C8orf74: variants seen among roughly 807,000 people sequenced by gnomAD.
C8orf74 encodes chromosome 8 open reading frame 74.
Under a neutral mutation model 22.2 loss-of-function variants are expected in C8orf74, and 29 were observed. The observed-to-expected ratio is 1.31, with a 90% CI of 0.97 to 1.78. The LOEUF (loss-of-function observed/expected upper bound fraction) is 1.78. C8orf74 is among the 40% of genes most tolerant of loss of function. C8orf74 has a pLI of 0.00. For synonymous variants in C8orf74, 255 were observed against 163.1 expected (o/e 1.56, Z -4.30); for missense variants, 515 against 369.9 (o/e 1.39, Z -3.22).
chr8:10,673,182 C>G (rs374814186), intron 1 of C8orf74, among the ~76,000 whole-genome samples: 1 of 152,088 alleles, frequency 6.6e-6, no homozygotes, highest in South Asian at 2.1e-4. Context: ...CCCTTGGGGT[C>G]CTCCCAGCCA....
At chr8:10,674,587 T>A in intron 1 of C8orf74, 59 bp from the exon 2 acceptor site, 2 of 878,194 alleles carry the variant, frequency 2.3e-6, no homozygotes, top group Non-Finnish European at 1.4e-6. Context: ...CCGTAGCCCC[T>A]ATATCATGCC....
rs531879959 is a variant in C8orf74, at chr8:10,699,747, C to T, written c.649-488C>T. 1.4e-4 allele frequency among the ~76,000 whole-genome samples: 22 copies of T among 152,302 alleles called. No homozygotes were observed. In the East Asian group the frequency reaches 3.9e-3, roughly 27 times the overall value. Reference sequence around the variant, plus strand: ...CCCTCCCATGAAGCTACCACTAGAACTTTGAAAGGTGAGAATGAGGATGGT... The same window carrying T: ...CCCTCCCATGAAGCTACCACTAGAATTTTGAAAGGTGAGAATGAGGATGGT... On this transcript the variant is annotated intron_variant, in intron 3 of 3. Coordinates refer to ENST00000304519, the MANE Select transcript of C8orf74 (RefSeq NM_001040032.2).
intron 2 of C8orf74, among the ~76,000 whole-genome samples, chr8:10,687,615 C>CAAA (rs374455264): frequency 1.9e-3 from 103 of 52,846 alleles, no homozygotes; most frequent in Non-Finnish European, 2.5e-3. Context: ...GACTCCATCT[C>CAAA]AAAAAAAAAA....
At chr8:10,691,746 C>T (rs1433160774) in intron 2 of C8orf74, 1 of 152,318 alleles carries the variant, frequency 6.6e-6, no homozygotes, top group Non-Finnish European at 1.5e-5. Context: ...GGTTCTTAAC[C>T]CCAAGGAATT....
intron 2 of C8orf74, among the ~76,000 whole-genome samples, chr8:10,675,325 G>C (rs1200138890): frequency 1.3e-5 from 2 of 152,222 alleles, no homozygotes; most frequent in African/African-American, 4.8e-5. Flanking sequence ...CCCTGTGCAG[G>C]GCTTGCATGA....
At chr8:10,682,542 G>A (rs573343223) in intron 2 of C8orf74, among the ~76,000 whole-genome samples, 83 of 152,238 alleles carry the variant, frequency 5.5e-4, no homozygotes, top group Non-Finnish European at 8.8e-4. Context: ...GTTCCCTGGC[G>A]TCTCTGTGTG....
intron 2 of C8orf74, among the ~76,000 whole-genome samples, chr8:10,690,171 G>A (rs947395576): frequency 6.6e-6 from 1 of 152,118 alleles, no homozygotes; most frequent in African/African-American, 2.4e-5. Flanking sequence ...ACCACCTGAG[G>A]GGCCCTGAGC....
chr8:10,683,109 G>A (rs1211993880), intron 2 of C8orf74, among the ~76,000 whole-genome samples: 1 of 152,230 alleles, frequency 6.6e-6, no homozygotes, highest in Non-Finnish European at 1.5e-5. Context: ...GGCAGCCCAG[G>A]AGACCCCCAT....
chr8:10,697,884 C>G lies in C8orf74; in HGVS notation c.527C>G (p.Ala176Gly), dbSNP rs866584756. The G allele has an allele frequency of 1.2e-6, 2 of 1,611,902 alleles. No homozygotes were observed. ...QQVATLTEAE[A>G]QKRADVLLLK... ...GTGGCCACACTGACGGAGGCCGAGG[C>G]ACAGAAGCGCGCCGACGTGCTGCTC... Residue 176 changes from alanine (A) to glycine (G), a missense_variant, in exon 3 of 4, where the codon GCA (alanine) becomes GGA (glycine). Physicochemically the swap from Ala to Gly is moderately conservative, Grantham distance 60. Coordinates refer to ENST00000304519, the MANE Select transcript of C8orf74 (RefSeq NM_001040032.2).
At chr8:10,682,290 T>G (rs2129056922) in intron 2 of C8orf74, among the ~76,000 whole-genome samples, 1 of 152,320 alleles carries the variant, frequency 6.6e-6, no homozygotes, top group South Asian at 2.1e-4. Context: ...GAGCATTTCT[T>G]GGGACAAACG....
At chr8:10,692,551 T>C (rs1799402795) in intron 2 of C8orf74, 2 of 152,314 alleles carry the variant, frequency 1.3e-5, no homozygotes, top group Admixed American at 1.3e-4. Flanking sequence ...GCTCTCACCC[T>C]GTCATCCAGA....
intron 2 of C8orf74, among the ~76,000 whole-genome samples, chr8:10,683,996 C>T (rs904386220): frequency 2.6e-5 from 4 of 152,296 alleles, no homozygotes; most frequent in East Asian, 1.9e-4. Context: ...GCTAAGGAGC[C>T]GGCCCTCCCA....
intron 1 of C8orf74, among the ~76,000 whole-genome samples, chr8:10,674,265 C>A (rs1798979849): frequency 7.0e-6 from 1 of 142,828 alleles, no homozygotes; most frequent in South Asian, 2.4e-4. Context: ...TCATACCCTG[C>A]AGCCCCCATA....
chr8:10,697,537 C>A, intron 2 of C8orf74, 62 bp from the exon 3 acceptor site: 1 of 1,471,084 alleles, frequency 6.8e-7, no homozygotes, highest in Non-Finnish European at 9.4e-7. Context: ...GAGCCCACAT[C>A]CACTGCCTGG....
chr8:10,675,879 G>C (rs922981372), intron 2 of C8orf74: 1 of 152,232 alleles, frequency 6.6e-6, no homozygotes, highest in Non-Finnish European at 1.5e-5. Context: ...GCGAAGGGAT[G>C]TCTTCACACG....
intron 3 of C8orf74, among the ~76,000 whole-genome samples, chr8:10,699,084 G>A (rs1407847821): frequency 6.6e-6 from 1 of 152,184 alleles, no homozygotes; most frequent in Non-Finnish European, 1.5e-5. Flanking sequence ...CAAAACCCAC[G>A]CAACAGTCTA....
intron 2 of C8orf74, chr8:10,690,778 A>T (rs1249602889): frequency 2.3e-6 from 1 of 439,626 alleles, no homozygotes. Context: ...CTGATCGTGG[A>T]GCTTCCCGTG....
chr8:10,682,759 C>T (rs756303702), intron 2 of C8orf74, among the ~76,000 whole-genome samples: 3 of 152,166 alleles, frequency 2.0e-5, no homozygotes, highest in African/African-American at 4.8e-5. Flanking sequence ...TCGGGTGAGC[C>T]GGTGACAGTA....
At chr8:10,693,932 C>CTGG (rs1799436573) in intron 2 of C8orf74, among the ~76,000 whole-genome samples, 1 of 152,238 alleles carries the variant, frequency 6.6e-6, no homozygotes, top group African/African-American at 2.4e-5. Flanking sequence ...CCATCATCTG[C>CTGG]CTCCACCTTT....
Sources: gnomAD v4.1 joint callset for allele counts (sites outside exome capture counted in the v4.1 genomes callset) on GRCh38, gnomAD v4.1.1 for gene constraint, MANE v1.5 for transcripts, NCBI Gene and HGNC (gene_info 2026-07-23, HGNC 2026-07-21) for gene names.